Variants in MN1 observed in about 807,000 individuals in gnomAD.
The protein encoded by MN1 is transcriptional activator MN1.
Under a neutral mutation model 86.9 loss-of-function variants are expected in MN1, and 19 were observed. The ratio of observed to expected loss-of-function variants is 0.22; its 90% CI spans 0.15 to 0.32. MN1 has a LOEUF of 0.32. MN1 is among the 10% of genes least tolerant of loss of function. MN1 has a pLI of 1.00. For synonymous variants in MN1, 928 were observed against 849.6 expected (o/e 1.09, Z -1.60); for missense variants, 1,841 against 1,862.0 (o/e 0.99, Z 0.21).
Position 27,794,815 on chromosome 22 carries a change from TTG to T in MN1, c.3781+1946_3781+1947del, listed in dbSNP as rs1491336269. On this transcript the variant is annotated intron_variant, in intron 1 of 1. Coordinates refer to ENST00000302326, the MANE Select transcript of MN1 (RefSeq NM_002430.3). Reference sequence around the variant, plus strand: ...AAATGGATTCTTTAAATCAGGGTTGTTGTTTTTTTTTTTTTTAACTTTTCTCA... The same window carrying T: ...AAATGGATTCTTTAAATCAGGGTTGTTTTTTTTTTTTTTTAACTTTTCTCA... Among the ~76,000 whole-genome samples, 8 of 32,236 alleles carry T rather than the reference TTG, an allele frequency of 2.5e-4. No individual in the cohort carries two copies. The East Asian group carries it at 0.011, about 45-fold the overall frequency. 21.1% of individuals were successfully genotyped at this position (32,236 alleles called of 152,430 possible).
chr22:27,780,877 T>C (rs895011919), intron 1 of MN1, among the ~76,000 whole-genome samples: 2 of 152,230 alleles, frequency 1.3e-5, no homozygotes, highest in African/African-American at 2.4e-5. Flanking sequence ...GTTTGTTGAA[T>C]GAATAAATAT....
chr22:27,796,935 G>A lies in MN1; in HGVS notation c.3609C>T (p.Cys1203=). 5 of 1,612,646 alleles carry A rather than the reference G, an allele frequency of 3.1e-6. No individual in the cohort carries two copies. Among genetic ancestry groups the A allele is most frequent in the Non-Finnish European group, 4.2e-6 (5 of 1,179,908 alleles). ...TCATGGCGCTCTTGACCGCCTCGGA[G>A]CAGCAGCTGCCCAGCTCGCTGTCGC... is the stretch of plus-strand genomic sequence containing the variant. ...QNGDSELGSC[C]SEAVKSAMST... Residue 1203 remains cysteine, a synonymous_variant, in exon 1 of 2, where the codon TGC becomes TGT. Transcript: ENST00000302326.
intron 1 of MN1, among the ~76,000 whole-genome samples, chr22:27,755,320 G>T (rs1932795109): frequency 6.6e-6 from 1 of 152,170 alleles, no homozygotes; most frequent in South Asian, 2.1e-4. Flanking sequence ...ATGTTGGGGG[G>T]TCAGTCCCAG....
intron 1 of MN1, among the ~76,000 whole-genome samples, chr22:27,782,949 T>C (rs934831417): frequency 8.5e-5 from 13 of 152,066 alleles, no homozygotes; most frequent in African/African-American, 3.1e-4. Flanking sequence ...TTGTCTGAGA[T>C]CACCCAGCTC....
intron 1 of MN1, among the ~76,000 whole-genome samples, chr22:27,775,519 T>C (rs1360329149): frequency 1.3e-5 from 2 of 152,162 alleles, no homozygotes; most frequent in African/African-American, 2.4e-5. Context: ...TAGCAGTGCA[T>C]ACCGCCGTGG....
chr22:27,775,173 C>T (rs984197766), intron 1 of MN1, among the ~76,000 whole-genome samples: 6 of 152,234 alleles, frequency 3.9e-5, no homozygotes, highest in Admixed American at 1.3e-4. Flanking sequence ...GGGTCCACAG[C>T]GGTAGCTGCT....
At chr22:27,783,946 T>C (rs1245751116) in intron 1 of MN1, among the ~76,000 whole-genome samples, 2 of 152,150 alleles carry the variant, frequency 1.3e-5, no homozygotes, top group Non-Finnish European at 2.9e-5. Flanking sequence ...TCTCAAAGAC[T>C]TTCCACGATG....
intron 1 of MN1, among the ~76,000 whole-genome samples, chr22:27,763,173 A>T (rs982892321): frequency 6.6e-6 from 1 of 152,226 alleles, no homozygotes; most frequent in African/African-American, 2.4e-5. Flanking sequence ...CTTCCAGCCC[A>T]TTGGAGGAAA....
At chr22:27,760,368 A>T (rs903195259) in intron 1 of MN1, among the ~76,000 whole-genome samples, 1 of 151,686 alleles carries the variant, frequency 6.6e-6, no homozygotes, top group African/African-American at 2.4e-5. Context: ...AATTAACCAG[A>T]CATGGTGGTG....
chr22:27,765,114 T>C (rs951321739), intron 1 of MN1, among the ~76,000 whole-genome samples: 8 of 152,092 alleles, frequency 5.3e-5, no homozygotes, highest in African/African-American at 1.4e-4. Flanking sequence ...AAACCTAAAA[T>C]ATTTGCTATA....
chr22:27,793,102 A>G (rs1933236969), intron 1 of MN1, among the ~76,000 whole-genome samples: 1 of 152,194 alleles, frequency 6.6e-6, no homozygotes. Context: ...TCCCATTTCA[A>G]TGTATGTGAA....
At position 27,800,139 on chromosome 22, in the gene MN1, G is replaced by A; in HGVS notation, c.405C>T (p.Gly135=). Residue 135 remains glycine (G), a synonymous_variant, in exon 1 of 2, where the codon GGC becomes GGT. Transcript: ENST00000302326. The part of the protein sequence containing the change: ...ASCLHGGRLL[G]YGGAAGGLGS... ...CCAGGCCTCCGGCTGCGCCGCCGTA[G>A]CCGAGCAGGCGACCCCCGTGCAGGC... 1.3e-6 allele frequency: 2 copies of A among 1,558,260 alleles called. No homozygotes were observed. Among genetic ancestry groups the A allele is most frequent in the Non-Finnish European group, 8.6e-7 (1 of 1,158,130 alleles).
At chr22:27,792,317 CATATAT>C (rs36207111) in intron 1 of MN1, among the ~76,000 whole-genome samples, 14,230 of 113,942 alleles carry the variant, frequency 0.12, 926 homozygotes, top group East Asian at 0.22. Context: ...ATAAAAATTG[CATATAT>C]ATATATATAT....
chr22:27,799,133 C>G lies in MN1; in HGVS notation c.1411G>C (p.Ala471Pro). Residue 471 changes from alanine (A) to proline (P), a missense_variant, in exon 1 of 2, where the codon GCT becomes CCT. By Grantham distance (27) the Ala-to-Pro change is conservative. Transcript: ENST00000302326. Reference protein sequence around the residue: ...FPGSAGVDRCASWNGSMHNGA... With the variant: ...FPGSAGVDRCPSWNGSMHNGA... The stretch of plus-strand genomic sequence containing the variant: ...TTGTGCATGCTGCCGTTCCACGAAG[C>G]GCAGCGGTCCACTCCCGCGCTGCCC... The G allele has an allele frequency of 6.2e-7, 1 of 1,604,602 alleles. No homozygotes were observed. Among genetic ancestry groups the G allele is most frequent in the Non-Finnish European group, 8.5e-7 (1 of 1,173,270 alleles).
chr22:27,798,686 G>T lies in MN1; in HGVS notation c.1858C>A (p.Gln620Lys). ...TCTTGCGCCAAGTGCGGCGCCTGCT[G>T]CTCGAAGGTGCCCAGACGCCCGGCG... ...TGAGRLGTFE[Q>K]QAPHLAQESA... The change falls in exon 1 of 2, where the codon CAG becomes AAG. Residue 620 changes from glutamine (Q) to lysine (K), a missense_variant. By Grantham distance (53) the Gln-to-Lys change is moderately conservative. Transcript: ENST00000302326. The T allele has an allele frequency of 1.3e-6, 2 of 1,539,384 alleles. No homozygotes were observed. The highest frequency in any genetic ancestry group is 2.4e-5 in the East Asian group (1 of 41,052).
Position 27,799,280 on chromosome 22 carries a change from A to G in MN1, c.1264T>C (p.Tyr422His). 6.3e-7 allele frequency: 1 copy of G among 1,587,128 alleles called. No individual in the cohort carries two copies. The stretch of plus-strand genomic sequence containing the variant: ...TGCATGCTGAAAACAGGCTCGGAAT[A>G]AGGGTGCATGCTCCGGTTCTCCAGC... ...HRLENRSMHPYSEPVFSMQHP... is the reference protein window; with the variant it reads ...HRLENRSMHPHSEPVFSMQHP... Residue 422 changes from tyrosine (Y) to histidine (H), a missense_variant, in exon 1 of 2, where the codon TAT becomes CAT. Tyr to His is a moderately conservative substitution (Grantham distance 83). Coordinates refer to ENST00000302326, the MANE Select transcript of MN1 (RefSeq NM_002430.3).
intron 1 of MN1, among the ~76,000 whole-genome samples, chr22:27,751,356 C>T (rs1013422076): frequency 6.6e-6 from 1 of 152,152 alleles, no homozygotes; most frequent in Admixed American, 6.5e-5. Flanking sequence ...GAAAGTGAGG[C>T]AGGATAAACT....
intron 1 of MN1, among the ~76,000 whole-genome samples, chr22:27,758,367 C>T (rs533071121): frequency 4.0e-4 from 61 of 152,330 alleles, no homozygotes; most frequent in Admixed American, 9.8e-4. Flanking sequence ...AGCCCCATGG[C>T]GATGTTTCTC....
intron 1 of MN1, among the ~76,000 whole-genome samples, chr22:27,788,628 T>G (rs562320546): frequency 6.6e-6 from 1 of 152,162 alleles, no homozygotes; most frequent in African/African-American, 2.4e-5. Flanking sequence ...TCTTTTTTTT[T>G]TTTTTTGACA....
Sources: allele counts gnomAD v4.1 joint callset (sites outside exome capture counted in the v4.1 genomes callset), GRCh38; gene constraint gnomAD v4.1.1; transcripts MANE v1.5; gene names NCBI Gene and HGNC (gene_info 2026-07-23, HGNC 2026-07-21).